The following MCM9 variants were observed in gnomAD, a reference collection of about 807,000 sequenced individuals.
MCM9 encodes DNA helicase MCM9.
A neutral mutation model predicts 72.8 loss-of-function variants in MCM9; 55 were observed. That is an observed-to-expected ratio of 0.76 (90% CI 0.61 to 0.95). MCM9 has a LOEUF of 0.95. MCM9 is among the 40% of genes least tolerant of loss of function. The pLI, the probability that MCM9 is intolerant of heterozygous loss-of-function variation, is 0.00. For synonymous variants in MCM9, 480 were observed against 503.4 expected (o/e 0.95, Z 0.62); for missense variants, 1,279 against 1,377.0 (o/e 0.93, Z 1.13).
chr6:118,842,122 C>T lies in MCM9; in HGVS notation c.1326-12872G>A, dbSNP rs141596540. ...TGCTGGCATTACAGGCGTGAGACACCGTGCCCGGCCTATCTTGCCATTTTT... is the reference window on the plus strand; with the variant it reads ...TGCTGGCATTACAGGCGTGAGACACTGTGCCCGGCCTATCTTGCCATTTTT... On this transcript the variant is annotated intron_variant, in intron 9 of 13. Transcript: ENST00000619706. Among the ~76,000 whole-genome samples the T allele has an allele frequency of 2.5e-4, 38 of 152,276 alleles. No homozygotes were observed. The East Asian group carries it at 7.0e-3, about 28-fold the overall frequency.
chr6:118,917,857 C>A, intron 5 of MCM9, 96 bp from the exon 6 acceptor site: 1 of 1,054,070 alleles, frequency 9.5e-7, no homozygotes. Context: ...ATAAACCACT[C>A]CCTTACTAGA....
At position 118,815,800 on chromosome 6, in the gene MCM9, T is replaced by C; in HGVS notation, c.2456A>G (p.Lys819Arg). ...AGAATCTAGTGCTAGCCTTTTTTTC[T>C]TGTTACTTTCCACATTGTCTGCCCT... is the stretch of plus-strand genomic sequence containing the variant. ...PWRADNVESN[K>R]KKRLALDSEA... The change falls in exon 14 of 14, where the codon AAG becomes AGG. Residue 819 changes from lysine to arginine, a missense_variant. By Grantham distance (26) the Lys-to-Arg change is conservative (BLOSUM62 2). Transcript: ENST00000619706. 6.5e-7 allele frequency: 1 copy of C among 1,539,316 alleles called. No individual in the cohort carries two copies. The highest frequency in any genetic ancestry group is 8.7e-7 in the Non-Finnish European group (1 of 1,147,010).
intron 8 of MCM9, among the ~76,000 whole-genome samples, chr6:118,877,018 T>C (rs899062352): frequency 6.6e-6 from 1 of 152,202 alleles, no homozygotes; most frequent in African/African-American, 2.4e-5. Context: ...ATGCTAGACA[T>C]TTCTGACTTG....
intron 13 of MCM9, among the ~76,000 whole-genome samples, chr6:118,820,746 T>C (rs1305753452): frequency 6.6e-6 from 1 of 152,180 alleles, no homozygotes; most frequent in Non-Finnish European, 1.5e-5. Context: ...ACTATTATTG[T>C]GTGGGAGTCT....
intron 8 of MCM9, among the ~76,000 whole-genome samples, chr6:118,869,023 A>G (rs1010583890): frequency 6.6e-6 from 1 of 152,264 alleles, no homozygotes; most frequent in Non-Finnish European, 1.5e-5. Flanking sequence ...CCAAATGTCC[A>G]TCAATGATAG....
chr6:118,826,370 C>T lies in MCM9; in HGVS notation c.1816-78G>A. 4 of 1,443,858 alleles carry T rather than the reference C, an allele frequency of 2.8e-6. No homozygotes were observed. The South Asian group carries it at 4.4e-5, about 16-fold the overall frequency. The allele number at this position is 1,443,858 out of a possible 1,614,324, so 89.4% of individuals were successfully genotyped here. A position where few individuals can be genotyped will look rare whatever the true frequency, so the allele number is the denominator to read the frequency against. On this transcript the variant is annotated intron_variant, in intron 12 of 13. Coordinates refer to ENST00000619706, the MANE Select transcript of MCM9 (RefSeq NM_017696.3). ...TAAGTACACTCTAGGGACCAGCAAT[C>T]CCCGGGGGCTAAGACCGCCGTTTAC...
At chr6:118,910,761 A>T (rs1780484950) in intron 8 of MCM9, 1 of 985,428 alleles carries the variant, frequency 1.0e-6, no homozygotes, top group Non-Finnish European at 1.2e-6. Flanking sequence ...ATTCTTGTCA[A>T]TGGTTAATAT....
intron 8 of MCM9, chr6:118,910,602 T>C: frequency 3.0e-6 from 3 of 984,460 alleles, no homozygotes; most frequent in Non-Finnish European, 3.6e-6. Context: ...CATAATTACT[T>C]GGGAAGCATC....
intron 3 of MCM9, among the ~76,000 whole-genome samples, chr6:118,926,421 GACAA>G: frequency 6.6e-6 from 1 of 152,284 alleles, no homozygotes; most frequent in Admixed American, 6.5e-5. Flanking sequence ...CACTAAAAGT[GACAA>G]ACAGAATAAT....
intron 8 of MCM9, among the ~76,000 whole-genome samples, chr6:118,893,845 C>CA (rs750220069): frequency 0.066 from 3,740 of 56,700 alleles, 67 homozygotes; most frequent in South Asian, 0.14. Context: ...ACCAAAAAAA[C>CA]AAAAAAAAAA....
intron 8 of MCM9, among the ~76,000 whole-genome samples, chr6:118,860,141 G>A (rs1462453506): frequency 6.6e-6 from 1 of 152,110 alleles, no homozygotes; most frequent in Non-Finnish European, 1.5e-5. Flanking sequence ...GATAGAACAA[G>A]CATCAAAATC....
Position 118,874,007 on chromosome 6 carries a change from C to A in MCM9, c.1151-17462G>T, listed in dbSNP as rs1777777481. 2.0e-5 allele frequency among the ~76,000 whole-genome samples: 3 copies of A among 152,152 alleles called. No homozygotes were observed. The South Asian group carries it at 6.2e-4, about 32-fold the overall frequency. On this transcript the variant is annotated intron_variant, in intron 8 of 13. Coordinates refer to ENST00000619706, the MANE Select transcript of MCM9 (RefSeq NM_017696.3). ...TGGTGGCTCATGCCTATAATCCCAG[C>A]ATTTTGGGAGCAAAGGTGGGCGGAT...
chr6:118,873,990 C>T (rs758450104), intron 8 of MCM9, among the ~76,000 whole-genome samples: 1 of 152,158 alleles, frequency 6.6e-6, no homozygotes, highest in South Asian at 2.1e-4. Context: ...GGTGGTGGCT[C>T]ATGCCTATAA....
chr6:118,815,214 C>A lies in MCM9; in HGVS notation c.3042G>T (p.Arg1014Ser). The A allele has an allele frequency of 1.3e-6, 2 of 1,550,522 alleles. No homozygotes were observed. The highest frequency in any genetic ancestry group is 1.7e-6 in the Non-Finnish European group (2 of 1,146,966). ...CAAGCTCTAATTCAGGCTGAATAAT[C>A]CTCTTCTCAGGGGCACACATCACCT... ...REKVMCAPEK[R>S]IIQPELELGN... The change falls in exon 14 of 14, where the codon AGG (arginine) becomes AGT (serine). Residue 1014 changes from arginine to serine, a missense_variant. Coordinates refer to ENST00000619706, the MANE Select transcript of MCM9 (RefSeq NM_017696.3).
intron 9 of MCM9, among the ~76,000 whole-genome samples, chr6:118,851,491 A>G (rs1193917944): frequency 1.3e-5 from 2 of 151,874 alleles, no homozygotes; most frequent in Non-Finnish European, 2.9e-5. Flanking sequence ...AAAATTGTAC[A>G]AATGTCTTTA....
At chr6:118,834,706 T>G (rs1395499184) in intron 9 of MCM9, among the ~76,000 whole-genome samples, 1 of 152,136 alleles carries the variant, frequency 6.6e-6, no homozygotes, top group African/African-American at 2.4e-5. Flanking sequence ...TGTGGTTTTT[T>G]TTTTTCTTAT....
At chr6:118,856,595 T>C in intron 8 of MCM9, 50 bp from the exon 9 acceptor site, 1 of 1,524,694 alleles carries the variant, frequency 6.6e-7, no homozygotes, top group Non-Finnish European at 8.8e-7. Flanking sequence ...AAGCATTATC[T>C]TGACTGGGCG....
At chr6:118,816,323 G>A (rs1773404864) in intron 13 of MCM9, 29 bp from the exon 14 acceptor site, 1 of 1,467,482 alleles carries the variant, frequency 6.8e-7, no homozygotes, top group Non-Finnish European at 9.0e-7. Flanking sequence ...AATAAAACAT[G>A]TCTTGAAGGG....
intron 13 of MCM9, among the ~76,000 whole-genome samples, chr6:118,822,804 T>C (rs911838625): frequency 6.6e-6 from 1 of 152,190 alleles, no homozygotes; most frequent in African/African-American, 2.4e-5. Flanking sequence ...CTTTCAGAGA[T>C]GCCCTGCCCA....
Sources: gnomAD v4.1 joint callset for allele counts (sites outside exome capture counted in the v4.1 genomes callset) on GRCh38, gnomAD v4.1.1 for gene constraint, MANE v1.5 for transcripts, NCBI Gene and HGNC (gene_info 2026-07-23, HGNC 2026-07-21) for gene names.